Variants in SYT16 observed in about 807,000 individuals in gnomAD.
SYT16 encodes synaptotagmin 16, also known as synaptotagmin-16.
Under a neutral mutation model 61.4 loss-of-function variants are expected in SYT16, and 42 were observed. That is an observed-to-expected ratio of 0.68 (90% CI 0.53 to 0.89). The LOEUF (loss-of-function observed/expected upper bound fraction) is 0.89. Among genes scored for constraint, SYT16 ranks in the 40% least tolerant of loss-of-function variants. The pLI, the probability that SYT16 is intolerant of heterozygous loss-of-function variation, is 0.00. For synonymous variants in SYT16, 314 were observed against 302.3 expected (o/e 1.04, Z -0.40); for missense variants, 804 against 807.3 (o/e 1.00, Z 0.05).
intron 1 of SYT16, among the ~76,000 whole-genome samples, chr14:61,959,203 T>G (rs2051010784): frequency 6.6e-6 from 1 of 152,174 alleles, no homozygotes; most frequent in African/African-American, 2.4e-5. Flanking sequence ...TGTTTTAATC[T>G]ATTCAGCCAT....
chr14:61,983,511 T>C (rs1421936082), intron 2 of SYT16, among the ~76,000 whole-genome samples: 1 of 152,126 alleles, frequency 6.6e-6, no homozygotes, highest in African/African-American at 2.4e-5. Context: ...AACAAATAAT[T>C]TCAGGTTTTT....
chr14:61,817,444 G>A (rs1008123264), intron 1 of SYT16, among the ~76,000 whole-genome samples: 8 of 151,396 alleles, frequency 5.3e-5, no homozygotes, highest in Admixed American at 2.0e-4. Flanking sequence ...AAAGAATAAT[G>A]GGACAAACTG....
chr14:62,085,844 C>G (rs1270226632), intron 7 of SYT16, among the ~76,000 whole-genome samples: 1 of 152,170 alleles, frequency 6.6e-6, no homozygotes, highest in African/African-American at 2.4e-5. Context: ...ACTCTTTTTG[C>G]TAGATACCAA....
chr14:61,861,596 G>C (rs928128045), intron 1 of SYT16, among the ~76,000 whole-genome samples: 1 of 152,146 alleles, frequency 6.6e-6, no homozygotes, highest in African/African-American at 2.4e-5. Flanking sequence ...GTAGAAAGGG[G>C]GTTTTGGCAT....
At chr14:61,975,333 A>G (rs2051741510) in intron 2 of SYT16, among the ~76,000 whole-genome samples, 1 of 152,136 alleles carries the variant, frequency 6.6e-6, no homozygotes, top group South Asian at 2.1e-4. Context: ...GAGTCAGACT[A>G]AACATTGCCT....
chr14:62,072,907 T>C (rs1407522457), intron 4 of SYT16, among the ~76,000 whole-genome samples: 3 of 152,208 alleles, frequency 2.0e-5, no homozygotes, highest in Non-Finnish European at 4.4e-5. Flanking sequence ...ATTTGGTTGA[T>C]GTGACATAGT....
chr14:62,078,065 A>T (rs187429869), intron 5 of SYT16, among the ~76,000 whole-genome samples: 2 of 141,812 alleles, frequency 1.4e-5, no homozygotes, highest in Admixed American at 1.4e-4. Context: ...TGTGATTCCA[A>T]CCCCCACCTT....
chr14:61,884,063 A>G (rs1594824106), intron 1 of SYT16, among the ~76,000 whole-genome samples: 1 of 152,286 alleles, frequency 6.6e-6, no homozygotes, highest in South Asian at 2.1e-4. Flanking sequence ...TTGGGTGGGG[A>G]CACAGGCAAA....
At chr14:61,876,801 A>G (rs1263474537) in intron 1 of SYT16, among the ~76,000 whole-genome samples, 2 of 152,196 alleles carry the variant, frequency 1.3e-5, no homozygotes, top group Non-Finnish European at 2.9e-5. Flanking sequence ...GGTAGGAAGC[A>G]GGGGCTGAGC....
At chr14:61,820,870 A>C (rs1333781639) in intron 1 of SYT16, among the ~76,000 whole-genome samples, 1 of 152,324 alleles carries the variant, frequency 6.6e-6, no homozygotes, top group South Asian at 2.1e-4. Flanking sequence ...ATACTCATAC[A>C]TAAATGACCT....
At chr14:61,830,066 A>G (rs1594709213) in intron 1 of SYT16, among the ~76,000 whole-genome samples, 1 of 151,988 alleles carries the variant, frequency 6.6e-6, no homozygotes, top group East Asian at 1.9e-4. Flanking sequence ...TTTCAGTTCT[A>G]TTATTTTCAG....
chr14:61,869,661 A>G (rs544130083), intron 1 of SYT16, among the ~76,000 whole-genome samples: 2 of 152,346 alleles, frequency 1.3e-5, no homozygotes, highest in Admixed American at 6.5e-5. Context: ...CTAATGCCCA[A>G]TGTGATGGCA....
chr14:62,031,608 G>A (rs1354093741), intron 3 of SYT16, among the ~76,000 whole-genome samples: 3 of 152,116 alleles, frequency 2.0e-5, no homozygotes, highest in Middle Eastern at 3.2e-3. Flanking sequence ...CATTACTGTC[G>A]AGGAAACTGA....
At chr14:62,036,705 T>C (rs2054521901) in intron 3 of SYT16, among the ~76,000 whole-genome samples, 1 of 152,018 alleles carries the variant, frequency 6.6e-6, no homozygotes, top group Non-Finnish European at 1.5e-5. Context: ...TTTATAAAAC[T>C]ATCAGCTCTC....
At position 61,838,681 on chromosome 14, in the gene SYT16, A is replaced by G. The variant is rs1037712356; in HGVS notation, c.-325+25871A>G. 9.2e-5 allele frequency among the ~76,000 whole-genome samples: 14 copies of G among 152,286 alleles called. 1 individual carries two copies. The South Asian group carries it at 1.0e-3, about 11-fold the overall frequency. On this transcript the variant is annotated intron_variant, in intron 1 of 7. Coordinates refer to ENST00000683842, the MANE Select transcript of SYT16 (RefSeq NM_001367656.1). ...CTTTTGTAAGTACCTTGAAACTTCAATTTATTACCCTGAAATTCACAAAAT... is the reference window on the plus strand; with the variant it reads ...CTTTTGTAAGTACCTTGAAACTTCAGTTTATTACCCTGAAATTCACAAAAT...
chr14:61,854,684 G>C (rs1255446942), intron 1 of SYT16, among the ~76,000 whole-genome samples: 2 of 152,232 alleles, frequency 1.3e-5, no homozygotes, highest in Non-Finnish European at 2.9e-5. Context: ...TGAGGAAAGA[G>C]AGGAACCCAA....
At chr14:61,947,918 T>G (rs2050513254) in intron 1 of SYT16, among the ~76,000 whole-genome samples, 2 of 152,148 alleles carry the variant, frequency 1.3e-5, no homozygotes, top group African/African-American at 2.4e-5. Flanking sequence ...GTGGAGAAAG[T>G]TTATTCCAGG....
chr14:62,080,579 T>C (rs900089019), intron 5 of SYT16, among the ~76,000 whole-genome samples: 1 of 152,218 alleles, frequency 6.6e-6, no homozygotes, highest in African/African-American at 2.4e-5. Flanking sequence ...GAAAACACTT[T>C]GCAAAAATAT....
In SYT16 at chr14:62,110,950, C is replaced by T. The variant is rs1205180602; in HGVS notation, c.*10243C>T. On this transcript the variant is annotated 3_prime_UTR_variant, in exon 8 of 8. Coordinates refer to ENST00000683842, the MANE Select transcript of SYT16 (RefSeq NM_001367656.1). ...CTCCCCTCCCAAGTGACTTTCCTCA[C>T]TCATGTAATCATTTTCTTCATAAAT... 1 of 152,038 alleles carries T rather than the reference C, an allele frequency of 6.6e-6. No homozygotes were observed. The highest frequency in any genetic ancestry group is 1.5e-5 in the Non-Finnish European group (1 of 67,936). The allele number at this position is 152,038 out of a possible 1,614,324, so 9.4% of individuals were successfully genotyped here.
Sources: gnomAD v4.1 joint callset for allele counts (sites outside exome capture counted in the v4.1 genomes callset) on GRCh38, gnomAD v4.1.1 for gene constraint, MANE v1.5 for transcripts, NCBI Gene and HGNC (gene_info 2026-07-23, HGNC 2026-07-21) for gene names.